The following SLC6A17 variants were observed in gnomAD, a reference collection of about 807,000 sequenced individuals.
SLC6A17 encodes the protein sodium-dependent neutral amino acid transporter SLC6A17.
In SLC6A17, 21 loss-of-function variants were observed where a neutral mutation model predicts 64.5. The ratio of observed to expected loss-of-function variants is 0.33; its 90% CI spans 0.23 to 0.47. SLC6A17 has a LOEUF of 0.47. Ranked by LOEUF, SLC6A17 falls within the 20% of genes least tolerant of loss-of-function variation. The pLI is 1.00. For synonymous variants in SLC6A17, 372 were observed against 399.5 expected, an observed-to-expected ratio of 0.93 and a Z score of 0.82; for missense variants, 682 against 963.2, an observed-to-expected ratio of 0.71 and a Z score of 3.86.
intron 2 of SLC6A17, among the ~76,000 whole-genome samples, chr1:110,167,689 T>A (rs1274906500): frequency 2.6e-5 from 4 of 152,200 alleles, no homozygotes; most frequent in African/African-American, 9.7e-5. Context: ...TAGGGCTAAG[T>A]GCCTGAAACT....
chr1:110,198,333 C>A lies in SLC6A17; in HGVS notation c.2073C>A (p.His691Gln), dbSNP rs1264676584. ...AGGCACCTTCCCCCATGCCCACTCA[C>A]CGTTCCTATCTGGGGCCCGGCAGCA... The part of the protein sequence containing the change: ...PSEAPSPMPT[H>Q]RSYLGPGSTS... Residue 691 changes from histidine to glutamine, a missense_variant, in exon 12 of 12, where the codon CAC (histidine) becomes CAA (glutamine). His to Gln is a conservative substitution (Grantham distance 24, BLOSUM62 0). Coordinates refer to ENST00000331565, the MANE Select transcript of SLC6A17 (RefSeq NM_001010898.4). 1 of 1,614,208 alleles carries A rather than the reference C, an allele frequency of 6.2e-7. No homozygotes were observed. Among genetic ancestry groups the A allele is most frequent in the African/African-American group, 1.3e-5 (1 of 75,054 alleles).
At chr1:110,170,484 A>G (rs1257902283) in intron 2 of SLC6A17, among the ~76,000 whole-genome samples, 2 of 152,182 alleles carry the variant, frequency 1.3e-5, no homozygotes, top group East Asian at 3.9e-4. Flanking sequence ...ACTCCCTCTC[A>G]AAATAAAAAC....
At chr1:110,183,645 G>A (rs908573317) in intron 6 of SLC6A17, among the ~76,000 whole-genome samples, 5 of 152,222 alleles carry the variant, frequency 3.3e-5, no homozygotes, top group Non-Finnish European at 7.3e-5. Flanking sequence ...CATAGGAGAG[G>A]AGAAATAAGC....
rs138034983 is a variant in SLC6A17 at position 110,161,188 on chromosome 1, GTC to G, written c.-87-5651_-87-5650del. 1.2e-3 allele frequency among the ~76,000 whole-genome samples: 182 copies of G among 152,290 alleles called. 2 individuals are homozygous for G. The highest frequency in any genetic ancestry group is 4.1e-3 in the African/African-American group (170 of 41,556). ...AATAAAACAATTAAAAATAATTTGT[GTC>G]TCTGATAATAGTCCGGCCTGTTTTG... On this transcript the variant is annotated intron_variant, in intron 1 of 11. Coordinates refer to ENST00000331565, the MANE Select transcript of SLC6A17 (RefSeq NM_001010898.4).
chr1:110,176,574 G>A, intron 5 of SLC6A17, 55 bp from the exon 6 acceptor site: 1 of 1,517,280 alleles, frequency 6.6e-7, no homozygotes, highest in South Asian at 1.1e-5. Flanking sequence ...AGGGATGGGG[G>A]GTGCCAGCTG....
intron 6 of SLC6A17, among the ~76,000 whole-genome samples, chr1:110,188,779 TCTC>T (rs1367448721): frequency 6.6e-6 from 1 of 152,220 alleles, no homozygotes; most frequent in Non-Finnish European, 1.5e-5. Context: ...ATACTGCCCT[TCTC>T]CTGATCCGAG....
In SLC6A17 at chr1:110,173,976, T is replaced by A. The variant is rs1452148582; in HGVS notation, c.448T>A (p.Cys150Ser). The A allele has an allele frequency of 2.5e-6, 4 of 1,613,550 alleles. No homozygotes were observed. The highest frequency in any genetic ancestry group is 3.4e-6 in the Non-Finnish European group (4 of 1,179,816). Residue 150 changes from cysteine to serine, a missense_variant, in exon 4 of 12, where the codon TGT (cysteine) becomes AGT (serine). By Grantham distance (112) the Cys-to-Ser change is moderately radical (BLOSUM62 -1). Around this residue, in one of 3 missense-constraint regions of SLC6A17, gnomAD observed 415 missense variants for 603.8 expected, o/e 0.69. Coordinates refer to ENST00000331565, the MANE Select transcript of SLC6A17 (RefSeq NM_001010898.4). ...GGIGFSSCIV[C>S]LFVGLYYNVI... ...CCCGCAGTGGGCTTGTCCCCAGGTC[T>A]GTCTCTTTGTGGGGCTGTATTATAA...
intron 2 of SLC6A17, 130 bp from the exon 3 acceptor site, chr1:110,171,930 C>T (rs1656235286): frequency 8.3e-7 from 1 of 1,207,278 alleles, no homozygotes; most frequent in Admixed American, 2.2e-5. Context: ...CATGGAGGAG[C>T]ACCGGGACTG....
At chr1:110,172,036 G>T (rs1336059205) in intron 2 of SLC6A17, 24 bp from the exon 3 acceptor site, 6 of 1,612,116 alleles carry the variant, frequency 3.7e-6, no homozygotes, top group Non-Finnish European at 4.2e-6. Flanking sequence ...GAGCCCCTCT[G>T]CCATCCCTCT....
At chr1:110,160,426 A>C (rs1027036310) in intron 1 of SLC6A17, among the ~76,000 whole-genome samples, 1 of 152,228 alleles carries the variant, frequency 6.6e-6, no homozygotes, top group Non-Finnish European at 1.5e-5. Flanking sequence ...TGTTCTGCCC[A>C]CAGAAATGTG....
intron 1 of SLC6A17, among the ~76,000 whole-genome samples, chr1:110,151,245 C>T (rs925862403): frequency 6.6e-6 from 1 of 152,212 alleles, no homozygotes; most frequent in Non-Finnish European, 1.5e-5. Flanking sequence ...CCGGCCCATC[C>T]GCGGCTTGAA....
chr1:110,157,792 C>T (rs556523366), intron 1 of SLC6A17, among the ~76,000 whole-genome samples: 58 of 152,168 alleles, frequency 3.8e-4, no homozygotes, highest in African/African-American at 1.2e-3. Context: ...GGCACATGGC[C>T]GTCTGTCTGT....
At chr1:110,151,093 C>T (rs902822006) in intron 1 of SLC6A17, among the ~76,000 whole-genome samples, 4 of 152,242 alleles carry the variant, frequency 2.6e-5, no homozygotes, top group Non-Finnish European at 5.9e-5. Flanking sequence ...CGCTCTCCTT[C>T]GCGCATCGGG....
At chr1:110,151,672 T>C (rs1211536767) in intron 1 of SLC6A17, among the ~76,000 whole-genome samples, 2 of 152,188 alleles carry the variant, frequency 1.3e-5, no homozygotes, top group Non-Finnish European at 2.9e-5. Flanking sequence ...TGATGTTTCC[T>C]TTTAAAGCCC....
chr1:110,189,141 C>T (rs1406269317), intron 6 of SLC6A17, among the ~76,000 whole-genome samples: 1 of 152,246 alleles, frequency 6.6e-6, no homozygotes, highest in Non-Finnish European at 1.5e-5. Flanking sequence ...AGCACACCTG[C>T]TACTCAGAAA....
rs746470986 is a variant in SLC6A17, at chr1:110,166,896, T to C, written c.-34T>C. On this transcript the variant is annotated 5_prime_UTR_variant, in exon 2 of 12. Coordinates refer to ENST00000331565, the MANE Select transcript of SLC6A17 (RefSeq NM_001010898.4). Reference sequence around the variant, plus strand: ...GCTGAATTCCATCTTCTCTGTGTGCTGGGGAGCAGGGCTACACGGCCCAGG... The same window carrying C: ...GCTGAATTCCATCTTCTCTGTGTGCCGGGGAGCAGGGCTACACGGCCCAGG... 2 of 1,569,546 alleles carry C rather than the reference T, an allele frequency of 1.3e-6. No individual in the cohort carries two copies. Among genetic ancestry groups the C allele is most frequent in the East Asian group, 4.5e-5 (2 of 44,248 alleles).
At chr1:110,177,106 G>A (rs1167194488) in intron 6 of SLC6A17, among the ~76,000 whole-genome samples, 1 of 152,202 alleles carries the variant, frequency 6.6e-6, no homozygotes, top group Non-Finnish European at 1.5e-5. Context: ...TGGGAAGTCA[G>A]GTTTAGCTAG....
intron 10 of SLC6A17, among the ~76,000 whole-genome samples, chr1:110,196,952 T>G (rs1656985393): frequency 6.6e-6 from 1 of 152,208 alleles, no homozygotes; most frequent in Non-Finnish European, 1.5e-5. Flanking sequence ...GAGGTAAAGA[T>G]GATTCTTTTG....
intron 8 of SLC6A17, among the ~76,000 whole-genome samples, chr1:110,193,305 T>A (rs753296700): frequency 3.3e-5 from 5 of 152,208 alleles, no homozygotes; most frequent in Non-Finnish European, 7.3e-5. Flanking sequence ...CCCATTCCAA[T>A]CTCACTGCCA....
Sources: gnomAD v4.1 joint callset for allele counts (sites outside exome capture counted in the v4.1 genomes callset) on GRCh38, gnomAD v4.1.1 for gene constraint, gnomAD v4.1.1 regional missense constraint, MANE v1.5 for transcripts, NCBI Gene and HGNC (gene_info 2026-07-23, HGNC 2026-07-21) for gene names.